ITCH: variants seen among roughly 807,000 people sequenced by gnomAD.
ITCH encodes itchy E3 ubiquitin protein ligase.
In ITCH, 28 loss-of-function variants were observed where a neutral mutation model predicts 126.8. That is an observed-to-expected ratio of 0.22 (90% CI 0.16 to 0.30). ITCH has a LOEUF of 0.30. Ranked by LOEUF, ITCH falls within the 10% of genes least tolerant of loss-of-function variation. The pLI, the probability that ITCH is intolerant of heterozygous loss-of-function variation, is 1.00. For synonymous variants in ITCH, 342 were observed against 340.0 expected (o/e 1.01, Z -0.06); for missense variants, 631 against 1,032.4 (o/e 0.61, Z 5.33).
intron 7 of ITCH, among the ~76,000 whole-genome samples, chr20:34,430,583 C>G (rs755536576): frequency 6.6e-6 from 1 of 152,182 alleles, no homozygotes; most frequent in Non-Finnish European, 1.5e-5. Context: ...AAGCAGTTTT[C>G]CTGCCTCAGC....
chr20:34,406,039 T>A (rs1601823772), intron 3 of ITCH, among the ~76,000 whole-genome samples: 4 of 150,410 alleles, frequency 2.7e-5, no homozygotes, highest in South Asian at 2.1e-4. Context: ...TTTTTTTTTT[T>A]AAAAGACAGT....
intron 7 of ITCH, among the ~76,000 whole-genome samples, chr20:34,433,297 A>G (rs1293005430): frequency 6.6e-6 from 1 of 152,240 alleles, no homozygotes; most frequent in Non-Finnish European, 1.5e-5. Context: ...TCTCAAAAAA[A>G]CAAACAAACA....
rs77017887 is a variant in ITCH, at chr20:34,427,407, G to A, written c.521+2882G>A. On this transcript the variant is annotated intron_variant, in intron 7 of 24. Transcript: ENST00000374864. ...TTGAGACCAGCCTGGGCAATTGAGT[G>A]AGACCTCATCTCTACAGAAAACAAA... Among the ~76,000 whole-genome samples, 629 of 152,214 alleles carry A rather than the reference G, an allele frequency of 4.1e-3. 2 individuals carry two copies. Among genetic ancestry groups the A allele is most frequent in the African/African-American group, 0.014 (589 of 41,544 alleles).
intron 23 of ITCH, among the ~76,000 whole-genome samples, chr20:34,499,216 C>T (rs1038624830): frequency 2.0e-5 from 3 of 149,098 alleles, no homozygotes; most frequent in Non-Finnish European, 3.0e-5. Context: ...CCTTGTGATC[C>T]GCCCGCCTTG....
chr20:34,466,283 T>A (rs528820068), intron 14 of ITCH: 2 of 474,376 alleles, frequency 4.2e-6, no homozygotes, highest in East Asian at 1.2e-4. Flanking sequence ...GTCAAAAGGA[T>A]TAAAGTGTGC....
At chr20:34,506,597 A>C (rs1471499080) in intron 24 of ITCH, among the ~76,000 whole-genome samples, 2 of 152,164 alleles carry the variant, frequency 1.3e-5, no homozygotes. Flanking sequence ...CCTTACGAGA[A>C]TCTAACCTGA....
chr20:34,461,967 T>C, intron 13 of ITCH, 126 bp from the exon 14 acceptor site: 3 of 898,638 alleles, frequency 3.3e-6, no homozygotes, highest in South Asian at 1.5e-5. Flanking sequence ...AGTATACAAC[T>C]GAATTACTGA....
intron 12 of ITCH, chr20:34,454,465 G>A (rs756753267): frequency 1.3e-5 from 2 of 152,088 alleles, no homozygotes; most frequent in Non-Finnish European, 2.9e-5. Context: ...CAGCCTTTGA[G>A]TTGGTGATAA....
At chr20:34,467,069 A>G (rs562116504) in intron 14 of ITCH, among the ~76,000 whole-genome samples, 6 of 152,336 alleles carry the variant, frequency 3.9e-5, no homozygotes, top group African/African-American at 7.2e-5. Context: ...ACATCACTGT[A>G]TATTTTATAG....
Position 34,400,775 on chromosome 20 carries a change from T to C in ITCH, c.70+6894T>C, listed in dbSNP as rs558125311. On this transcript the variant is annotated intron_variant, in intron 3 of 24. Coordinates refer to ENST00000374864, the MANE Select transcript of ITCH (RefSeq NM_031483.7). The stretch of plus-strand genomic sequence containing the variant: ...CTTACCTACTTATTTATTTATTTAT[T>C]GAAACAGAGTCTCGCTCTGTCACCC... Among the ~76,000 whole-genome samples, 3 of 152,020 alleles carry C rather than the reference T, an allele frequency of 2.0e-5. No individual in the cohort carries two copies. In the South Asian group the frequency reaches 6.2e-4, roughly 32 times the overall value.
intron 2 of ITCH, among the ~76,000 whole-genome samples, chr20:34,391,108 G>A (rs932994492): frequency 3.9e-5 from 6 of 152,158 alleles, no homozygotes; most frequent in African/African-American, 1.2e-4. Flanking sequence ...CTAAGAATCT[G>A]GCGCTCAGGG....
At chr20:34,366,161 G>C (rs774136613) in intron 1 of ITCH, among the ~76,000 whole-genome samples, 5 of 152,182 alleles carry the variant, frequency 3.3e-5, no homozygotes, top group Middle Eastern at 3.2e-3. Flanking sequence ...GAACAAAAAG[G>C]GTTCAGGGAG....
chr20:34,475,054 C>G (rs146006879), intron 16 of ITCH, among the ~76,000 whole-genome samples: 73,074 of 148,478 alleles, frequency 0.49, 18,070 homozygotes, highest in Middle Eastern at 0.53. Flanking sequence ...CATCCCAGAC[C>G]ATGGGCGGCC....
At chr20:34,453,898 G>A (rs928617260) in intron 12 of ITCH, among the ~76,000 whole-genome samples, 1 of 151,574 alleles carries the variant, frequency 6.6e-6, no homozygotes, top group African/African-American at 2.4e-5. Context: ...GGAGGCTGAG[G>A]CAGGAGAATT....
chr20:34,417,165 C>T (rs1018522800), intron 6 of ITCH: 52 of 684,658 alleles, frequency 7.6e-5, no homozygotes, highest in Admixed American at 2.7e-4. Flanking sequence ...AGTGCGATCT[C>T]GGCTCACTGC....
chr20:34,432,999 AAC>A (rs1437578912), intron 7 of ITCH, among the ~76,000 whole-genome samples: 4 of 151,802 alleles, frequency 2.6e-5, no homozygotes, highest in African/African-American at 9.7e-5. Flanking sequence ...ATTAAAAAGA[AAC>A]AATTTAGGCC....
intron 14 of ITCH, among the ~76,000 whole-genome samples, chr20:34,465,323 C>G (rs1313139677): frequency 2.6e-5 from 4 of 151,832 alleles, no homozygotes; most frequent in Non-Finnish European, 5.9e-5. Context: ...TGTCCTCCAA[C>G]TTTGTTCTTT....
intron 6 of ITCH, among the ~76,000 whole-genome samples, chr20:34,415,365 C>T (rs1979679477): frequency 6.6e-6 from 1 of 151,386 alleles, no homozygotes; most frequent in Admixed American, 6.6e-5. Flanking sequence ...TCGAGACCAG[C>T]CTAGGCAACA....
intron 1 of ITCH, among the ~76,000 whole-genome samples, chr20:34,368,422 T>TG (rs925410991): frequency 1.0e-4 from 3 of 29,248 alleles, no homozygotes; most frequent in Non-Finnish European, 1.8e-4. Context: ...GTATGTAAGG[T>TG]TTTTTTTTTT....
Sources: allele counts gnomAD v4.1 joint callset (sites outside exome capture counted in the v4.1 genomes callset), GRCh38; gene constraint gnomAD v4.1.1; transcripts MANE v1.5; gene names NCBI Gene and HGNC (gene_info 2026-07-23, HGNC 2026-07-21).